Variants in ADGRE3 observed in about 807,000 individuals in gnomAD.
ADGRE3 encodes adhesion G protein-coupled receptor E3.
ADGRE3 carries 88 observed loss-of-function variants against 80.1 expected under a neutral mutation model. The observed-to-expected ratio is 1.10, with a 90% CI of 0.93 to 1.31. The LOEUF is 1.31. Ranked by LOEUF, ADGRE3 falls within the 40% of genes most tolerant of loss-of-function variation. The pLI, the probability that ADGRE3 is intolerant of heterozygous loss-of-function variation, is 0.00. For missense variants in ADGRE3, 715 were observed against 776.5 expected (o/e 0.92, Z 0.94); for synonymous variants, 281 against 294.8 (o/e 0.95, Z 0.48).
chr19:14,658,633 G>T, intron 4 of ADGRE3, 83 bp from the exon 5 acceptor site: 1 of 903,024 alleles, frequency 1.1e-6, no homozygotes, highest in Non-Finnish European at 1.6e-6. Context: ...AAGTAATGGG[G>T]TGAGCAACTT....
the ADGRE3 span, among the ~76,000 whole-genome samples, chr19:14,603,634 AT>A: frequency 0.044 from 6,336 of 145,486 alleles, 427 homozygotes; most frequent in African/African-American, 0.15. Context: ...TAAGTTTTGT[AT>A]TTTTTTTTTT....
chr19:14,670,992 C>G (rs752885540), intron 1 of ADGRE3, among the ~76,000 whole-genome samples: 2 of 152,206 alleles, frequency 1.3e-5, no homozygotes, highest in Non-Finnish European at 2.9e-5. Context: ...TGCCACTCAC[C>G]AGATCTGACT....
Position 14,652,926 on chromosome 19 carries a change from T to A in ADGRE3, c.578-1722A>T, listed in dbSNP as rs370121792. 2.9e-4 allele frequency among the ~76,000 whole-genome samples: 44 copies of A among 152,268 alleles called. 1 individual carries two copies. In the East Asian group the frequency reaches 3.7e-3, roughly 13 times the overall value. ...TAATGTTTTTGGCCTACTGTTTCATTCATTTAGTACGTTTTAATGAATAGA... is the reference window on the plus strand; with the variant it reads ...TAATGTTTTTGGCCTACTGTTTCATACATTTAGTACGTTTTAATGAATAGA... On this transcript the variant is annotated intron_variant, in intron 6 of 15. Transcript: ENST00000253673.
chr19:14,621,375 A>C (rs1970603560), intron 15 of ADGRE3, among the ~76,000 whole-genome samples: 1 of 151,202 alleles, frequency 6.6e-6, no homozygotes. Context: ...GAATCGCTTG[A>C]ACCCAGGAGG....
the ADGRE3 span, among the ~76,000 whole-genome samples, chr19:14,605,861 C>T: frequency 2.6e-5 from 4 of 152,112 alleles, no homozygotes; most frequent in Admixed American, 6.6e-5. Flanking sequence ...ACCTCAGCCT[C>T]CTGAGTAGCT....
At position 14,655,028 on chromosome 19, in the gene ADGRE3, C is replaced by G. The variant is rs750327315; in HGVS notation, c.531G>C (p.Leu177Phe). ...TCAGGACTTTTTGTTCTGGATCTTT[C>G]AAGGCAGTTTCTAGAACTTTCGATT... ...DVESKVLETA[L>F]KDPEQKVLKI... is the part of the protein sequence containing the mutation. Residue 177 changes from leucine (L) to phenylalanine (F), a missense_variant, in exon 6 of 16, where the codon TTG becomes TTC. Physicochemically the swap from Leu to Phe is conservative, Grantham distance 22. Transcript: ENST00000253673. 6.2e-7 allele frequency: 1 copy of G among 1,613,954 alleles called. No homozygotes were observed. Among genetic ancestry groups the G allele is most frequent in the Admixed American group, 1.7e-5 (1 of 59,964 alleles).
rs746188684 is a variant in ADGRE3, at chr19:14,644,105, T to C, written c.1050+3A>G. The stretch of plus-strand genomic sequence containing the variant: ...CTGGAAGAATAAAACATATACATCA[T>C]ACCTGGCTGGTCAGGGCCATCAGGA... On this transcript the variant is annotated splice_donor_region_variant and intron_variant, in intron 9 of 15. Transcript: ENST00000253673. The C allele has an allele frequency of 4.6e-6, 7 of 1,511,458 alleles. No homozygotes were observed. The highest frequency in any genetic ancestry group is 2.2e-5 in the Admixed American group (1 of 46,006). The allele number at this position is 1,511,458 out of a possible 1,614,324, so 93.6% of individuals were successfully genotyped here.
the ADGRE3 span, among the ~76,000 whole-genome samples, chr19:14,611,886 C>T: frequency 2.0e-5 from 3 of 152,076 alleles, no homozygotes; most frequent in Non-Finnish European, 4.4e-5. Flanking sequence ...TGCCTGTAAT[C>T]CCAGCTACTC....
intron 2 of ADGRE3, among the ~76,000 whole-genome samples, chr19:14,665,263 C>T (rs1021567330): frequency 4.6e-5 from 7 of 151,550 alleles, no homozygotes; most frequent in African/African-American, 4.9e-5. Context: ...GGGGGTTTCA[C>T]GGTGTTAGCC....
At chr19:14,661,603 T>C (rs1764190184) in intron 4 of ADGRE3, among the ~76,000 whole-genome samples, 1 of 152,186 alleles carries the variant, frequency 6.6e-6, no homozygotes, top group Non-Finnish European at 1.5e-5. Flanking sequence ...TCTTTCCTTG[T>C]AGTTCCCTGC....
chr19:14,665,866 AT>A (rs200448697), intron 2 of ADGRE3, among the ~76,000 whole-genome samples: 2,960 of 144,616 alleles, frequency 0.02, 116 homozygotes, highest in African/African-American at 0.069. Flanking sequence ...AATATACAAC[AT>A]AATATATAAT....
At position 14,639,228 on chromosome 19, in the gene ADGRE3, A is replaced by G. The variant is rs1396961274; in HGVS notation, c.1249-888T>C. On this transcript the variant is annotated intron_variant, in intron 10 of 15. Transcript: ENST00000253673. ...ATTTTAAATGTTTTCACCACAAAGA[A>G]ATGATAAGTATGGAAGTGATAGATA... 2.0e-5 allele frequency among the ~76,000 whole-genome samples: 3 copies of G among 152,284 alleles called. No homozygotes were observed. The East Asian group carries it at 5.8e-4, about 29-fold the overall frequency.
At chr19:14,673,038 T>G (rs1408382681) in intron 1 of ADGRE3, among the ~76,000 whole-genome samples, 1 of 152,044 alleles carries the variant, frequency 6.6e-6, no homozygotes, top group Non-Finnish European at 1.5e-5. Context: ...TGTGGAGGAC[T>G]CTGTCTCCAG....
chr19:14,602,406 C>T, the ADGRE3 span, among the ~76,000 whole-genome samples: 1 of 152,116 alleles, frequency 6.6e-6, no homozygotes, highest in Non-Finnish European at 1.5e-5. Flanking sequence ...TATCCCACCT[C>T]AGCTCCCCAC....
intron 5 of ADGRE3, among the ~76,000 whole-genome samples, chr19:14,656,889 A>C (rs531684373): frequency 6.6e-6 from 1 of 151,948 alleles, no homozygotes; most frequent in South Asian, 2.1e-4. Context: ...CTCCTATATC[A>C]TTGTGTATTT....
intron 2 of ADGRE3, among the ~76,000 whole-genome samples, chr19:14,664,817 A>G (rs374948030): frequency 1.1e-3 from 174 of 152,256 alleles, no homozygotes; most frequent in Admixed American, 2.1e-3. Flanking sequence ...ACTTATGAAA[A>G]TGATAAATTC....
chr19:14,635,351 C>T (rs559910436), intron 11 of ADGRE3, among the ~76,000 whole-genome samples: 121 of 151,930 alleles, frequency 8.0e-4, no homozygotes, highest in African/African-American at 2.8e-3. Context: ...GCAATCCTTC[C>T]TCCTTGCCTT....
intron 9 of ADGRE3, among the ~76,000 whole-genome samples, chr19:14,642,316 G>T (rs1425980421): frequency 1.3e-5 from 2 of 151,990 alleles, no homozygotes; most frequent in African/African-American, 4.8e-5. Context: ...GTTCAAGACC[G>T]ACCTGAGCAA....
chr19:14,601,420 G>A, the ADGRE3 span, among the ~76,000 whole-genome samples: 1 of 152,136 alleles, frequency 6.6e-6, no homozygotes, highest in African/African-American at 2.4e-5. Context: ...TTAATGATTT[G>A]CTACTACAAT....
Sources: allele counts gnomAD v4.1 joint callset (sites outside exome capture counted in the v4.1 genomes callset), GRCh38; gene constraint gnomAD v4.1.1; transcripts MANE v1.5; gene names NCBI Gene and HGNC (gene_info 2026-07-23, HGNC 2026-07-21).